The following PTPRG variants were observed in gnomAD, a reference collection of about 807,000 sequenced individuals.
The protein encoded by PTPRG is receptor-type tyrosine-protein phosphatase gamma.
Under a neutral mutation model 165.3 loss-of-function variants are expected in PTPRG, and 102 were observed. The ratio of observed to expected loss-of-function variants is 0.62; its 90% CI spans 0.53 to 0.73. The LOEUF is 0.73. PTPRG is among the 30% of genes least tolerant of loss of function. The probability of loss-of-function intolerance (pLI) is 0.00; values close to 1 mark genes in which losing one functional copy is unlikely to be tolerated. For synonymous variants in PTPRG, 675 were observed against 669.5 expected, an observed-to-expected ratio of 1.01 and a Z score of -0.13; for missense variants, 1,866 against 1,861.4, an observed-to-expected ratio of 1.00 and a Z score of -0.05.
intron 1 of PTPRG, among the ~76,000 whole-genome samples, chr3:61,678,375 G>A (rs1336687197): frequency 6.6e-6 from 1 of 152,178 alleles, no homozygotes; most frequent in Non-Finnish European, 1.5e-5. Flanking sequence ...AATGTCTGGC[G>A]TAGTTGTCTA....
At chr3:61,753,196 G>A (rs2106933448) in intron 2 of PTPRG, among the ~76,000 whole-genome samples, 1 of 152,178 alleles carries the variant, frequency 6.6e-6, no homozygotes, top group East Asian at 1.9e-4. Flanking sequence ...GGTATGAAAT[G>A]GAACATAAAT....
intron 3 of PTPRG, among the ~76,000 whole-genome samples, chr3:61,994,175 A>G (rs1189855595): frequency 2.0e-5 from 3 of 152,242 alleles, no homozygotes; most frequent in Non-Finnish European, 4.4e-5. Flanking sequence ...CATCAAGAAC[A>G]TTTCAAGACA....
chr3:62,046,940 C>A (rs1700311721), intron 4 of PTPRG, among the ~76,000 whole-genome samples: 1 of 152,114 alleles, frequency 6.6e-6, no homozygotes, highest in Non-Finnish European at 1.5e-5. Flanking sequence ...GAACATTATG[C>A]CGTTCTCTCA....
At chr3:61,622,816 C>T (rs1701501118) in intron 1 of PTPRG, among the ~76,000 whole-genome samples, 1 of 152,186 alleles carries the variant, frequency 6.6e-6, no homozygotes, top group Admixed American at 6.5e-5. Context: ...CAGTTAGTAA[C>T]TGCCTCTTAA....
At chr3:61,750,397 A>G (rs1315663019) in intron 2 of PTPRG, 2 of 152,234 alleles carry the variant, frequency 1.3e-5, no homozygotes, top group Non-Finnish European at 2.9e-5. Flanking sequence ...CAGTGAAGAG[A>G]TGAAAGCCCT....
In PTPRG at chr3:62,014,785, A is replaced by G. The variant is rs142139129; in HGVS notation, c.519+11288A>G. 4.6e-5 allele frequency among the ~76,000 whole-genome samples: 7 copies of G among 152,342 alleles called. No homozygotes were observed. The East Asian group carries it at 1.4e-3, about 29-fold the overall frequency. On this transcript the variant is annotated intron_variant, in intron 4 of 29. Coordinates refer to ENST00000474889, the MANE Select transcript of PTPRG (RefSeq NM_002841.4). ...TTGTGTCATTTATTGGAAGGGTATA[A>G]GTGGGTACTGAAATACCTAAGCATA...
chr3:62,124,066 T>A (rs954195917), intron 5 of PTPRG: 1 of 403,926 alleles, frequency 2.5e-6, no homozygotes, highest in Non-Finnish European at 4.5e-6. Flanking sequence ...TTTCCTTCCC[T>A]TTTTTTTTTC....
At chr3:61,915,478 C>A (rs913517639) in intron 2 of PTPRG, among the ~76,000 whole-genome samples, 2 of 152,056 alleles carry the variant, frequency 1.3e-5, no homozygotes, top group African/African-American at 4.8e-5. Context: ...TAGCAAGAGA[C>A]GGTGTCAAGT....
At chr3:61,846,131 A>G (rs2036799074) in intron 2 of PTPRG, among the ~76,000 whole-genome samples, 1 of 152,244 alleles carries the variant, frequency 6.6e-6, no homozygotes, top group African/African-American at 2.4e-5. Context: ...ATCTGCCTAA[A>G]GCACTCACTA....
intron 8 of PTPRG, among the ~76,000 whole-genome samples, chr3:62,177,826 T>TCC (rs1705482762): frequency 6.6e-6 from 1 of 152,186 alleles, no homozygotes; most frequent in Non-Finnish European, 1.5e-5. Flanking sequence ...GCCACTTGTT[T>TCC]CAGGGCACCA....
chr3:62,173,868 G>A (rs954786643), intron 8 of PTPRG, among the ~76,000 whole-genome samples: 6 of 152,142 alleles, frequency 3.9e-5, no homozygotes, highest in Non-Finnish European at 1.5e-5. Flanking sequence ...CCAGCCTTTC[G>A]GTGCCAAGCA....
rs144846992 is a variant in PTPRG at position 61,652,043 on chromosome 3, C to T, written c.85+89671C>T. Among the ~76,000 whole-genome samples the T allele has an allele frequency of 4.8e-3, 728 of 151,670 alleles. 14 individuals carry two copies. Among genetic ancestry groups the T allele is most frequent in the African/African-American group, 0.017 (682 of 41,330 alleles). ...TATAAAAGTAGGCCAGGCGCAGTAG[C>T]TTATGCCTGTAATCCCAGCATTTTG... On this transcript the variant is annotated intron_variant, in intron 1 of 29. Transcript: ENST00000474889.
chr3:62,114,211 A>G (rs1279798312), intron 5 of PTPRG, among the ~76,000 whole-genome samples: 1 of 152,170 alleles, frequency 6.6e-6, no homozygotes, highest in African/African-American at 2.4e-5. Context: ...AGGCAGGAGA[A>G]TCACTTGAAC....
At chr3:61,903,791 A>T (rs1318808608) in intron 2 of PTPRG, among the ~76,000 whole-genome samples, 2 of 152,258 alleles carry the variant, frequency 1.3e-5, no homozygotes, top group South Asian at 2.1e-4. Context: ...TATAGTGTGT[A>T]TATTAAACAA....
chr3:61,584,326 T>C (rs1225991817), intron 1 of PTPRG, among the ~76,000 whole-genome samples: 2 of 152,164 alleles, frequency 1.3e-5, no homozygotes, highest in African/African-American at 2.4e-5. Context: ...TGTCTGGGCA[T>C]GTATTTTGTC....
chr3:61,590,327 C>G (rs9819565), intron 1 of PTPRG, among the ~76,000 whole-genome samples: 17,548 of 151,590 alleles, frequency 0.12, 1,170 homozygotes, highest in African/African-American at 0.18. Flanking sequence ...TTCAAGACGA[C>G]CCTGGCCAAC....
intron 1 of PTPRG, among the ~76,000 whole-genome samples, chr3:61,639,907 T>G (rs1320703836): frequency 6.6e-6 from 1 of 152,212 alleles, no homozygotes; most frequent in East Asian, 1.9e-4. Flanking sequence ...CTTACCTGAT[T>G]GTTCTGGCTA....
At chr3:61,584,359 G>A (rs1490270593) in intron 1 of PTPRG, among the ~76,000 whole-genome samples, 1 of 152,178 alleles carries the variant, frequency 6.6e-6, no homozygotes, top group African/African-American at 2.4e-5. Flanking sequence ...TTTCTGTCAT[G>A]TTTTAACTAC....
At chr3:62,015,323 A>G (rs556599056) in intron 4 of PTPRG, among the ~76,000 whole-genome samples, 207 of 152,254 alleles carry the variant, frequency 1.4e-3, no homozygotes, top group Middle Eastern at 3.4e-3. Context: ...AGCAGGAGAA[A>G]GGAGCAGAGT....
Sources: allele counts gnomAD v4.1 joint callset (sites outside exome capture counted in the v4.1 genomes callset), GRCh38; gene constraint gnomAD v4.1.1; transcripts MANE v1.5; gene names NCBI Gene and HGNC (gene_info 2026-07-23, HGNC 2026-07-21).